Variants in GALNT16 observed in about 807,000 individuals in gnomAD.
GALNT16 encodes UDP-GalNAc:polypeptide N-acetylgalactosaminyltransferase-like protein 1.
A neutral mutation model predicts 76.1 loss-of-function variants in GALNT16; 40 were observed. The ratio of observed to expected loss-of-function variants is 0.53; its 90% CI spans 0.41 to 0.68. The LOEUF (loss-of-function observed/expected upper bound fraction) is 0.68, where lower values mean the gene tolerates loss of function less well. GALNT16 is among the 30% of genes least tolerant of loss of function. The pLI is 0.00. For synonymous variants in GALNT16, 276 were observed against 285.2 expected, an observed-to-expected ratio of 0.97 and a Z score of 0.32; for missense variants, 621 against 731.9, an observed-to-expected ratio of 0.85 and a Z score of 1.75.
chr14:69,289,181 T>G (rs910451018), intron 1 of GALNT16, among the ~76,000 whole-genome samples: 4 of 152,178 alleles, frequency 2.6e-5, no homozygotes, highest in Non-Finnish European at 5.9e-5. Context: ...CCCAGTCAAA[T>G]AGAAGTCTCA....
intron 7 of GALNT16, 150 bp from the exon 8 acceptor site, chr14:69,332,935 G>T (rs2045372225): frequency 1.5e-6 from 1 of 662,788 alleles, no homozygotes; most frequent in African/African-American, 1.8e-5. Context: ...TTCCTGAGAG[G>T]AGGAGCTTGG....
At chr14:69,324,301 GACAA>G (rs1174835001) in intron 2 of GALNT16, among the ~76,000 whole-genome samples, 4 of 152,100 alleles carry the variant, frequency 2.6e-5, no homozygotes, top group Non-Finnish European at 5.9e-5. Flanking sequence ...AGGGTATCAG[GACAA>G]ACAGAGGTAG....
chr14:69,361,836 G>A (rs980981669), downstream of GALNT16, among the ~76,000 whole-genome samples: 5 of 152,052 alleles, frequency 3.3e-5, no homozygotes, highest in Admixed American at 3.3e-4. Context: ...GCGAAACTCC[G>A]TCTCTACTAA....
rs1312958204 is a variant in GALNT16 at position 69,353,109 on chromosome 14, G to A, written c.*941G>A. ...GACGGGTAGCCACACACATCCCTGA[G>A]TAGTCCCAGCCTCATTTGTCATTTT... On this transcript the variant is annotated 3_prime_UTR_variant, in exon 15 of 15. Transcript: ENST00000448469. Among the ~76,000 whole-genome samples the A allele has an allele frequency of 6.6e-6, 1 of 152,194 alleles. No homozygotes were observed. The highest frequency in any genetic ancestry group is 6.5e-5 in the Admixed American group (1 of 15,280).
chr14:69,351,984 A>G (rs1237447472), intron 14 of GALNT16, 47 bp from the exon 15 acceptor site: 3 of 1,542,610 alleles, frequency 1.9e-6, no homozygotes, highest in South Asian at 2.4e-5. Flanking sequence ...ATTTTTTTAA[A>G]TCATTGTTTT....
rs1374793910 is a variant in GALNT16 at position 69,296,716 on chromosome 14, TGGACA to T, written c.178-23993_178-23989del. Among the ~76,000 whole-genome samples the T allele has an allele frequency of 5.3e-5, 7 of 130,964 alleles. No homozygotes were observed. The South Asian group carries it at 1.4e-3, about 26-fold the overall frequency. The allele number at this position is 130,964 out of a possible 152,430, so 85.9% of individuals were successfully genotyped here. ...TCAACACAAAATAAAACTAGATAGA[TGGACA>T]GATAGATGATAGATAGATAGATAGA... On this transcript the variant is annotated intron_variant, in intron 1 of 14. Transcript: ENST00000448469.
At chr14:69,380,576 C>A in the GALNT16 span, 1 of 1,607,880 alleles carries the variant, frequency 6.2e-7, no homozygotes, top group Non-Finnish European at 8.5e-7. Context: ...CGAAGGAGCA[C>A]GTAGATCTTC....
chr14:69,380,871 A>T, the GALNT16 span, among the ~76,000 whole-genome samples: 3 of 152,186 alleles, frequency 2.0e-5, no homozygotes, highest in African/African-American at 7.2e-5. Context: ...TAGAATTTTT[A>T]AGTTAAATGC....
At chr14:69,304,831 T>C (rs2044908266) in intron 1 of GALNT16, among the ~76,000 whole-genome samples, 1 of 152,250 alleles carries the variant, frequency 6.6e-6, no homozygotes, top group East Asian at 1.9e-4. Flanking sequence ...AATAGTTTCA[T>C]TGTATGCATC....
At position 69,352,866 on chromosome 14, in the gene GALNT16, G is replaced by C. The variant is rs2045655874; in HGVS notation, c.*698G>C. ...ACACAGTCCCTTCCACACTTTACCA[G>C]CCCCAGGGTCTGAGCCCGACGCTGC... On this transcript the variant is annotated 3_prime_UTR_variant, in exon 15 of 15. Transcript: ENST00000448469. 6.6e-6 allele frequency among the ~76,000 whole-genome samples: 1 copy of C among 152,208 alleles called. No homozygotes were observed. The highest frequency in any genetic ancestry group is 2.1e-4 in the South Asian group (1 of 4,834).
chr14:69,363,946 G>A, the GALNT16 span, among the ~76,000 whole-genome samples: 1 of 152,132 alleles, frequency 6.6e-6, no homozygotes, highest in Admixed American at 6.5e-5. Context: ...TGGGTGACTG[G>A]CCCCCACTAG....
chr14:69,333,589 G>A lies in GALNT16; in HGVS notation c.956G>A (p.Gly319Glu), dbSNP rs761187368. ...KYDAQMDIWG[G>E]ENFELSFRVW... ...GATGCCCAGATGGACATCTGGGGGG[G>A]AGAGAATTTTGGTGAGTTGGGAAAT... The change falls in exon 9 of 15, where the codon GGA (glycine) becomes GAA (glutamate). Residue 319 changes from glycine to glutamate, a missense_variant. Transcript: ENST00000448469. This position sits in a 1 kb window ranked among gnomAD's most constrained non-coding sequence, Gnocchi z 4.2. The A allele has an allele frequency of 4.5e-6, 7 of 1,560,070 alleles. No individual in the cohort carries two copies. Among genetic ancestry groups the A allele is most frequent in the Non-Finnish European group, 6.2e-6 (7 of 1,136,124 alleles).
intron 6 of GALNT16, among the ~76,000 whole-genome samples, chr14:69,331,185 T>A (rs929148407): frequency 6.6e-6 from 1 of 152,172 alleles, no homozygotes; most frequent in Admixed American, 6.5e-5. Flanking sequence ...CAAGGAAGGC[T>A]TCATGGAGTA....
chr14:69,294,128 T>C (rs528474776), intron 1 of GALNT16, among the ~76,000 whole-genome samples: 1 of 152,040 alleles, frequency 6.6e-6, no homozygotes, highest in Admixed American at 6.6e-5. Context: ...GACCTTGTGA[T>C]CCACCCGCCT....
intron 11 of GALNT16, among the ~76,000 whole-genome samples, chr14:69,341,329 G>A (rs981665760): frequency 3.3e-5 from 5 of 152,210 alleles, no homozygotes; most frequent in Non-Finnish European, 7.3e-5. Context: ...CCTTCCTCCT[G>A]TACTTCTCAT....
the GALNT16 span, among the ~76,000 whole-genome samples, chr14:69,380,805 G>A: frequency 6.6e-6 from 1 of 152,130 alleles, no homozygotes; most frequent in Non-Finnish European, 1.5e-5. Flanking sequence ...AATTTTAAGT[G>A]ACATGAACTT....
intron 1 of GALNT16, among the ~76,000 whole-genome samples, chr14:69,300,404 G>A (rs2044834518): frequency 6.6e-6 from 1 of 152,182 alleles, no homozygotes; most frequent in Admixed American, 6.5e-5. Flanking sequence ...TGGGGCTGTA[G>A]CTAGTGATGC....
At chr14:69,286,192 C>G (rs1393758009) in intron 1 of GALNT16, among the ~76,000 whole-genome samples, 1 of 152,062 alleles carries the variant, frequency 6.6e-6, no homozygotes, top group African/African-American at 2.4e-5. Flanking sequence ...GGGCAGAATC[C>G]TGTAAGAAGG....
chr14:69,321,203 T>C (rs1213726816), intron 2 of GALNT16, among the ~76,000 whole-genome samples: 1 of 152,162 alleles, frequency 6.6e-6, no homozygotes, highest in South Asian at 2.1e-4. Flanking sequence ...GTGCCTAAAG[T>C]GGAGAGAGTC....
Sources: gnomAD v4.1 joint callset for allele counts (sites outside exome capture counted in the v4.1 genomes callset) on GRCh38, gnomAD v4.1.1 for gene constraint, Gnocchi (gnomAD v3.1) non-coding constraint, MANE v1.5 for transcripts, NCBI Gene and HGNC (gene_info 2026-07-23, HGNC 2026-07-21) for gene names.